ARL15: variants seen among roughly 807,000 people sequenced by gnomAD.
The protein encoded by ARL15 is ARF like GTPase 15, also known as ADP-ribosylation factor-like protein 15.
Under a neutral mutation model 25.2 loss-of-function variants are expected in ARL15, and 19 were observed. The ratio of observed to expected loss-of-function variants is 0.75; its 90% CI spans 0.53 to 1.10. The LOEUF (loss-of-function observed/expected upper bound fraction) is 1.10. Among genes scored for constraint, ARL15 ranks in the 50% least tolerant of loss-of-function variants. The probability of loss-of-function intolerance (pLI) is 0.00; values close to 1 mark genes in which losing one functional copy is unlikely to be tolerated. For missense variants in ARL15, 220 were observed against 246.0 expected (o/e 0.89, Z 0.71); for synonymous variants, 94 against 86.8 (o/e 1.08, Z -0.46).
At chr5:54,212,220 A>G (rs1343498736) in intron 1 of ARL15, among the ~76,000 whole-genome samples, 1 of 152,320 alleles carries the variant, frequency 6.6e-6, no homozygotes, top group East Asian at 1.9e-4. Context: ...TTGCCAACCA[A>G]TGGTTTAACC....
chr5:54,230,177 T>C (rs1756627452), intron 1 of ARL15, among the ~76,000 whole-genome samples: 1 of 151,330 alleles, frequency 6.6e-6, no homozygotes, highest in East Asian at 1.9e-4. Context: ...TGAAATCCCG[T>C]CTCTACCAAA....
chr5:53,996,683 G>T (rs1424365117), intron 4 of ARL15, among the ~76,000 whole-genome samples: 4 of 151,074 alleles, frequency 2.6e-5, no homozygotes, highest in African/African-American at 9.8e-5. Context: ...TAACATCTAG[G>T]TCTATATGAC....
At chr5:54,019,790 A>T (rs1331103513) in intron 4 of ARL15, among the ~76,000 whole-genome samples, 1 of 152,242 alleles carries the variant, frequency 6.6e-6, no homozygotes, top group Non-Finnish European at 1.5e-5. Context: ...TTGGGTTGTT[A>T]TAAATTGAAG....
At chr5:53,949,084 A>G (rs1746856046) in intron 4 of ARL15, among the ~76,000 whole-genome samples, 1 of 152,194 alleles carries the variant, frequency 6.6e-6, no homozygotes, top group Non-Finnish European at 1.5e-5. Flanking sequence ...AATAAAATAA[A>G]AGCTACATAC....
intron 4 of ARL15, among the ~76,000 whole-genome samples, chr5:54,023,662 C>T (rs1749687982): frequency 6.6e-6 from 1 of 152,180 alleles, no homozygotes; most frequent in Non-Finnish European, 1.5e-5. Context: ...GACCTTCCTC[C>T]TCCCTTCCTT....
At chr5:54,231,463 C>T (rs901202592) in intron 1 of ARL15, among the ~76,000 whole-genome samples, 2 of 152,164 alleles carry the variant, frequency 1.3e-5, no homozygotes, top group Non-Finnish European at 2.9e-5. Context: ...AATAATCTTT[C>T]ACTCTGCTTC....
chr5:54,035,032 T>C (rs994858531), intron 4 of ARL15, among the ~76,000 whole-genome samples: 3 of 151,932 alleles, frequency 2.0e-5, no homozygotes, highest in African/African-American at 7.3e-5. Flanking sequence ...TCAAAACACA[T>C]GCACCCTTTG....
chr5:54,073,681 A>T (rs1394619617), intron 4 of ARL15, among the ~76,000 whole-genome samples: 1 of 152,176 alleles, frequency 6.6e-6, no homozygotes, highest in Non-Finnish European at 1.5e-5. Context: ...CCTTTTTTCC[A>T]TTGCCAATTA....
intron 4 of ARL15, among the ~76,000 whole-genome samples, chr5:53,991,409 G>T (rs971627363): frequency 6.6e-6 from 1 of 152,062 alleles, no homozygotes; most frequent in African/African-American, 2.4e-5. Context: ...AGGTGTGGTT[G>T]CATGCGCCTG....
intron 4 of ARL15, among the ~76,000 whole-genome samples, chr5:53,995,067 T>C (rs1580151770): frequency 6.6e-6 from 1 of 152,038 alleles, no homozygotes; most frequent in Admixed American, 6.6e-5. Context: ...TCCCAGCACT[T>C]TGGGAGGCCG....
At chr5:53,916,950 T>C (rs930764373) in intron 4 of ARL15, among the ~76,000 whole-genome samples, 3 of 152,204 alleles carry the variant, frequency 2.0e-5, no homozygotes, top group African/African-American at 7.2e-5. Context: ...TTCATATATA[T>C]ATGAAGGAAA....
At chr5:54,307,226 A>C (rs959662168) in intron 1 of ARL15, among the ~76,000 whole-genome samples, 1 of 152,224 alleles carries the variant, frequency 6.6e-6, no homozygotes, top group Non-Finnish European at 1.5e-5. Flanking sequence ...AAAGGATTAT[A>C]TCTTGATCAT....
intron 4 of ARL15, among the ~76,000 whole-genome samples, chr5:54,014,784 C>G (rs965489624): frequency 3.9e-5 from 6 of 151,950 alleles, no homozygotes; most frequent in African/African-American, 1.2e-4. Flanking sequence ...CCTCGGCCTC[C>G]CATTCTTTTT....
intron 4 of ARL15, among the ~76,000 whole-genome samples, chr5:53,901,666 G>T (rs1745069860): frequency 6.7e-6 from 1 of 148,936 alleles, no homozygotes; most frequent in Admixed American, 6.7e-5. Context: ...AAATGGCTAG[G>T]TGGGTGGGAG....
At chr5:53,983,040 T>G (rs1748175928) in intron 4 of ARL15, among the ~76,000 whole-genome samples, 2 of 152,242 alleles carry the variant, frequency 1.3e-5, no homozygotes, top group South Asian at 4.1e-4. Flanking sequence ...GTTTATTTTT[T>G]TCTTGTAAAC....
At chr5:54,204,173 C>A (rs1755799868) in intron 1 of ARL15, among the ~76,000 whole-genome samples, 1 of 152,102 alleles carries the variant, frequency 6.6e-6, no homozygotes, top group African/African-American at 2.4e-5. Flanking sequence ...AAAATGTTAA[C>A]CAAACCACAA....
chr5:53,890,109 G>A lies in ARL15; in HGVS notation c.463-3396C>T, dbSNP rs1283638999. ...ATTACAGGCATGAGCTGCTGGGCCT[G>A]GCCTAGGATAACATTTTTATTTTGT... On this transcript the variant is annotated intron_variant, in intron 4 of 4. Coordinates refer to ENST00000504924, the MANE Select transcript of ARL15 (RefSeq NM_019087.3). Among the ~76,000 whole-genome samples, 3 of 152,020 alleles carry A rather than the reference G, an allele frequency of 2.0e-5. No individual in the cohort carries two copies. The South Asian group carries it at 6.2e-4, about 32-fold the overall frequency.
chr5:53,915,354 G>T (rs1745605120), intron 4 of ARL15, among the ~76,000 whole-genome samples: 1 of 152,208 alleles, frequency 6.6e-6, no homozygotes, highest in Non-Finnish European at 1.5e-5. Flanking sequence ...TGCCCTCAAA[G>T]AACCCGTAGG....
At chr5:54,191,124 C>T (rs1351848041) in intron 1 of ARL15, among the ~76,000 whole-genome samples, 1 of 152,050 alleles carries the variant, frequency 6.6e-6, no homozygotes, top group African/African-American at 2.4e-5. Flanking sequence ...TACTATTTAG[C>T]TATAAAAAGG....
Sources: gnomAD v4.1 joint callset for allele counts (sites outside exome capture counted in the v4.1 genomes callset) on GRCh38, gnomAD v4.1.1 for gene constraint, MANE v1.5 for transcripts, NCBI Gene and HGNC (gene_info 2026-07-23, HGNC 2026-07-21) for gene names.